The following MAGI1 variants were observed in gnomAD, a reference collection of about 807,000 sequenced individuals.
The protein encoded by MAGI1 is membrane associated guanylate kinase, WW and PDZ domain containing 1, also known as membrane-associated guanylate kinase, WW and PDZ domain-containing protein 1.
In MAGI1, 58 loss-of-function variants were observed where a neutral mutation model predicts 139.9. The ratio of observed to expected loss-of-function variants is 0.41; its 90% CI spans 0.34 to 0.52. The LOEUF (loss-of-function observed/expected upper bound fraction) is 0.52. Ranked by LOEUF, MAGI1 falls within the 20% of genes least tolerant of loss-of-function variation. The pLI is 0.12. For missense variants in MAGI1, 1,874 were observed against 1,901.6 expected (o/e 0.99, Z 0.27); for synonymous variants, 812 against 737.9 (o/e 1.10, Z -1.63).
chr3:65,714,622 T>G (rs900615474), intron 1 of MAGI1, among the ~76,000 whole-genome samples: 3 of 152,068 alleles, frequency 2.0e-5, no homozygotes, highest in Non-Finnish European at 4.4e-5. Flanking sequence ...ATAGGCTAAA[T>G]TATTAGCTTG....
intron 1 of MAGI1, among the ~76,000 whole-genome samples, chr3:65,700,854 T>C (rs1247457011): frequency 6.6e-6 from 1 of 152,190 alleles, no homozygotes; most frequent in Non-Finnish European, 1.5e-5. Flanking sequence ...ATGTGTTAAT[T>C]AAATATTAAG....
chr3:65,889,725 T>A (rs564184825), intron 1 of MAGI1, among the ~76,000 whole-genome samples: 4 of 152,128 alleles, frequency 2.6e-5, no homozygotes, highest in Non-Finnish European at 5.9e-5. Flanking sequence ...TCAGTTACCA[T>A]CTATTGAGAG....
intron 18 of MAGI1, among the ~76,000 whole-genome samples, chr3:65,375,534 T>C (rs573451230): frequency 6.6e-6 from 1 of 152,266 alleles, no homozygotes; most frequent in African/African-American, 2.4e-5. Context: ...GCTACAGGAT[T>C]AATTACACAA....
At chr3:65,968,339 T>C (rs901222943) in intron 1 of MAGI1, among the ~76,000 whole-genome samples, 1 of 152,184 alleles carries the variant, frequency 6.6e-6, no homozygotes, top group South Asian at 2.1e-4. Flanking sequence ...CCAGCATTGT[T>C]TGTAAAAACA....
At chr3:65,476,772 A>G (rs1358130109) in intron 4 of MAGI1, among the ~76,000 whole-genome samples, 2 of 111,452 alleles carry the variant, frequency 1.8e-5, no homozygotes, top group Non-Finnish European at 4.1e-5. Flanking sequence ...TCAAGGCATT[A>G]AAGTATGAGA....
chr3:65,484,211 G>C (rs1056151061), intron 3 of MAGI1, among the ~76,000 whole-genome samples: 2 of 152,144 alleles, frequency 1.3e-5, no homozygotes, highest in African/African-American at 4.8e-5. Context: ...AGCCATTTGG[G>C]ACAGAGAAAA....
rs749840027 is a variant in MAGI1, at chr3:65,375,751, C to T, written c.3190G>A (p.Gly1064Arg). ...GNTVTLRIIP[G>R]DESSNATLLT... is the part of the protein sequence containing the mutation. ...GATAATAGGTATACTTTACCATCCCCAGGAATGATGCGGAGGGTAACTGTG... is the reference window on the plus strand; with the variant it reads ...GATAATAGGTATACTTTACCATCCCTAGGAATGATGCGGAGGGTAACTGTG... Residue 1064 changes from glycine to arginine, a missense_variant, in exon 18 of 23, where the codon GGG (glycine) becomes AGG (arginine). Physicochemically the swap from Gly to Arg is moderately radical, Grantham distance 125. Around this residue, in one of 5 missense-constraint regions of MAGI1, gnomAD observed 653 missense variants for 644.5 expected, o/e 1.01. Transcript: ENST00000402939. The T allele has an allele frequency of 6.2e-7, 1 of 1,611,530 alleles. No homozygotes were observed. Among genetic ancestry groups the T allele is most frequent in the Non-Finnish European group, 8.5e-7 (1 of 1,177,870 alleles).
intron 2 of MAGI1, among the ~76,000 whole-genome samples, chr3:65,584,999 T>C (rs922683814): frequency 6.6e-6 from 1 of 152,186 alleles, no homozygotes; most frequent in African/African-American, 2.4e-5. Context: ...TAAGACTTAT[T>C]GATGTGTAAT....
intron 1 of MAGI1, among the ~76,000 whole-genome samples, chr3:65,974,748 C>A (rs1316072922): frequency 6.6e-6 from 1 of 152,152 alleles, no homozygotes; most frequent in East Asian, 1.9e-4. Context: ...CTGCTCACAG[C>A]ATAGCTTCTC....
At chr3:65,389,990 C>G (rs1326687337) in intron 14 of MAGI1, among the ~76,000 whole-genome samples, 1 of 152,214 alleles carries the variant, frequency 6.6e-6, no homozygotes, top group African/African-American at 2.4e-5. Flanking sequence ...CAACTTTCCT[C>G]CTCAGACAAG....
chr3:65,942,059 T>A (rs2106847397), intron 1 of MAGI1, among the ~76,000 whole-genome samples: 1 of 152,322 alleles, frequency 6.6e-6, no homozygotes, highest in African/African-American at 2.4e-5. Context: ...AATGCTGGGA[T>A]TATAGGCGTG....
intron 1 of MAGI1, among the ~76,000 whole-genome samples, chr3:65,846,458 A>G (rs898703264): frequency 9.2e-5 from 14 of 152,200 alleles, no homozygotes; most frequent in Admixed American, 7.2e-4. Context: ...ACCACACTTC[A>G]TTTGTAAAAC....
intron 1 of MAGI1, among the ~76,000 whole-genome samples, chr3:65,740,434 G>A (rs1429744208): frequency 1.3e-5 from 2 of 152,154 alleles, no homozygotes; most frequent in Non-Finnish European, 2.9e-5. Flanking sequence ...AGTAAACTGA[G>A]ATATTGGGAT....
At chr3:65,891,884 TAATATATATATA>T (rs1437441307) in intron 1 of MAGI1, among the ~76,000 whole-genome samples, 12 of 85,886 alleles carry the variant, frequency 1.4e-4, no homozygotes, top group African/African-American at 5.7e-4. Flanking sequence ...ACTTAAAGTA[TAATATATATATA>T]TATATATATA....
At position 65,504,808 on chromosome 3, in the gene MAGI1, G is replaced by A. The variant is rs543320877; in HGVS notation, c.431-11177C>T. On this transcript the variant is annotated intron_variant, in intron 2 of 22. Coordinates refer to ENST00000402939, the MANE Select transcript of MAGI1 (RefSeq NM_001033057.2). Reference sequence around the variant, plus strand: ...GAGGAGGACCAGAAAACATTCCACAGGAAAGTCAACCTGAACATGAACATT... The same window carrying A: ...GAGGAGGACCAGAAAACATTCCACAAGAAAGTCAACCTGAACATGAACATT... 1.2e-4 allele frequency among the ~76,000 whole-genome samples: 18 copies of A among 152,262 alleles called. No individual in the cohort carries two copies. The South Asian group carries it at 3.3e-3, about 28-fold the overall frequency.
At chr3:65,708,753 T>C (rs2030840554) in intron 1 of MAGI1, among the ~76,000 whole-genome samples, 1 of 152,014 alleles carries the variant, frequency 6.6e-6, no homozygotes, top group South Asian at 2.1e-4. Flanking sequence ...AGAGCTAGCA[T>C]TATATCTCTT....
chr3:65,912,023 CT>C (rs1211265690), intron 1 of MAGI1, among the ~76,000 whole-genome samples: 2 of 152,156 alleles, frequency 1.3e-5, no homozygotes, highest in Non-Finnish European at 2.9e-5. Flanking sequence ...CCTTGAAAGC[CT>C]AAATTCTCAA....
intron 1 of MAGI1, among the ~76,000 whole-genome samples, chr3:65,692,007 C>T (rs2088707228): frequency 6.6e-6 from 1 of 152,090 alleles, no homozygotes; most frequent in Non-Finnish European, 1.5e-5. Context: ...CTAATTACTC[C>T]AAAGTCAAAA....
chr3:65,720,698 C>T (rs555027297), intron 1 of MAGI1, among the ~76,000 whole-genome samples: 1 of 152,162 alleles, frequency 6.6e-6, no homozygotes, highest in South Asian at 2.1e-4. Flanking sequence ...ATCTCTCAGG[C>T]CTTCGCTCTG....
Sources: allele counts gnomAD v4.1 joint callset (sites outside exome capture counted in the v4.1 genomes callset), GRCh38; gene constraint gnomAD v4.1.1; regional missense constraint gnomAD v4.1.1; transcripts MANE v1.5; gene names NCBI Gene and HGNC (gene_info 2026-07-23, HGNC 2026-07-21).